CHCHD3: variants seen among roughly 807,000 people sequenced by gnomAD.
The protein encoded by CHCHD3 is MICOS complex subunit MIC19.
In CHCHD3, 20 loss-of-function variants were observed where a neutral mutation model predicts 38.2. The ratio of observed to expected loss-of-function variants is 0.52; its 90% CI spans 0.37 to 0.76. CHCHD3 has a LOEUF of 0.76. CHCHD3 is among the 30% of genes least tolerant of loss of function. The pLI, the probability that CHCHD3 is intolerant of heterozygous loss-of-function variation, is 0.00. For missense variants in CHCHD3, 245 were observed against 279.2 expected (o/e 0.88, Z 0.87); for synonymous variants, 82 against 100.0 (o/e 0.82, Z 1.07).
chr7:132,805,889 T>C (rs1205334418), intron 6 of CHCHD3, among the ~76,000 whole-genome samples: 1 of 152,094 alleles, frequency 6.6e-6, no homozygotes, highest in Non-Finnish European at 1.5e-5. Flanking sequence ...ATTTAAAGAA[T>C]AAACATGCTC....
chr7:132,951,481 C>T (rs1268272448), intron 4 of CHCHD3, among the ~76,000 whole-genome samples: 2 of 152,144 alleles, frequency 1.3e-5, no homozygotes, highest in Non-Finnish European at 2.9e-5. Flanking sequence ...AACACATATA[C>T]GAAGCCATAT....
At position 132,975,248 on chromosome 7, in the gene CHCHD3, G is replaced by A; in HGVS notation, c.290C>T (p.Ala97Val). ...GGCTCTGGTTAACTGCTCATTGGCA[G>A]CAGCCCTCTCTCGGTCCAGCTCTTT... ...QAKELDRERAAANEQLTRAIL... is the reference protein window; with the variant it reads ...QAKELDRERAVANEQLTRAIL... The change falls in exon 4 of 8, where the codon GCT becomes GTT. Residue 97 changes from alanine to valine, a missense_variant. Physicochemically the swap from Ala to Val is moderately conservative, Grantham distance 64 (BLOSUM62 0). Transcript: ENST00000262570. The A allele has an allele frequency of 3.7e-6, 6 of 1,613,002 alleles. No individual in the cohort carries two copies. Among genetic ancestry groups the A allele is most frequent in the Non-Finnish European group, 5.1e-6 (6 of 1,179,960 alleles).
intron 1 of CHCHD3, among the ~76,000 whole-genome samples, chr7:133,074,033 C>T (rs1814904788): frequency 6.6e-6 from 1 of 152,210 alleles, no homozygotes; most frequent in Non-Finnish European, 1.5e-5. Context: ...CCATTCCAAC[C>T]CTGCCTACCT....
rs189838872 is a variant in CHCHD3 at position 132,921,500 on chromosome 7, A to G, written c.370-35755T>C. ...CTCTGCATATTAGGCTCATCCTAAAAGTAAACAGTAAATAAACCCAATATT... is the reference window on the plus strand; with the variant it reads ...CTCTGCATATTAGGCTCATCCTAAAGGTAAACAGTAAATAAACCCAATATT... On this transcript the variant is annotated intron_variant, in intron 4 of 7. Transcript: ENST00000262570. Among the ~76,000 whole-genome samples the G allele has an allele frequency of 4.7e-3, 715 of 152,316 alleles. 5 individuals are homozygous for G. Among genetic ancestry groups the G allele is most frequent in the South Asian group, 8.7e-3 (42 of 4,826 alleles).
At position 132,881,090 on chromosome 7, in the gene CHCHD3, T is replaced by C. The variant is rs148343126; in HGVS notation, c.453+4572A>G. Among the ~76,000 whole-genome samples, 47 of 152,294 alleles carry C rather than the reference T, an allele frequency of 3.1e-4. No individual in the cohort carries two copies. The East Asian group carries it at 8.1e-3, about 26-fold the overall frequency. On this transcript the variant is annotated intron_variant, in intron 5 of 7. Coordinates refer to ENST00000262570, the MANE Select transcript of CHCHD3 (RefSeq NM_017812.4). The stretch of plus-strand genomic sequence containing the variant: ...GAGTATGAAATAAGGACTTAAAAAA[T>C]CTTTTCAAATGGCTTTGACCTTCTC...
chr7:132,918,744 G>A (rs1810182123), intron 4 of CHCHD3, among the ~76,000 whole-genome samples: 1 of 152,160 alleles, frequency 6.6e-6, no homozygotes. Context: ...TTTTTAAGTA[G>A]ATCACCTTTA....
chr7:132,887,499 T>A (rs1809246904), intron 4 of CHCHD3, among the ~76,000 whole-genome samples: 1 of 149,938 alleles, frequency 6.7e-6, no homozygotes, highest in Non-Finnish European at 1.5e-5. Flanking sequence ...CATTATAAAA[T>A]CCAAAGAAGA....
intron 6 of CHCHD3, among the ~76,000 whole-genome samples, chr7:132,802,415 A>G (rs551798976): frequency 1.3e-5 from 2 of 152,206 alleles, no homozygotes; most frequent in African/African-American, 4.8e-5. Context: ...CCAAACCCTG[A>G]GCTGGATCCC....
At position 132,994,664 on chromosome 7, in the gene CHCHD3, T is replaced by C. The variant is rs150522038; in HGVS notation, c.252-19378A>G. On this transcript the variant is annotated intron_variant, in intron 3 of 7. Transcript: ENST00000262570. ...CTCTTAAGAATCAAATTTTATATCATTGAACACAATCACAACAATTGTTAT... is the reference window on the plus strand; with the variant it reads ...CTCTTAAGAATCAAATTTTATATCACTGAACACAATCACAACAATTGTTAT... 9.4e-4 allele frequency among the ~76,000 whole-genome samples: 143 copies of C among 151,930 alleles called. No individual in the cohort carries two copies. The Middle Eastern group carries it at 0.027, about 29-fold the overall frequency.
intron 6 of CHCHD3, among the ~76,000 whole-genome samples, chr7:132,797,063 C>G (rs1806638544): frequency 6.6e-6 from 1 of 152,186 alleles, no homozygotes; most frequent in African/African-American, 2.4e-5. Context: ...CTGCACACAC[C>G]TTCCAGAGGG....
intron 6 of CHCHD3, among the ~76,000 whole-genome samples, chr7:132,837,713 G>T (rs1291467127): frequency 1.3e-5 from 2 of 152,100 alleles, no homozygotes; most frequent in African/African-American, 4.8e-5. Flanking sequence ...TCACTAATTT[G>T]CGCATGTGCT....
intron 4 of CHCHD3, among the ~76,000 whole-genome samples, chr7:132,946,260 AGAGAAC>A (rs1330103417): frequency 6.6e-6 from 1 of 151,932 alleles, no homozygotes; most frequent in Admixed American, 6.6e-5. Flanking sequence ...AGAAAGAGAA[AGAGAAC>A]AGTGAAAAAT....
chr7:133,030,497 T>C (rs1471298854), intron 2 of CHCHD3, among the ~76,000 whole-genome samples: 1 of 152,158 alleles, frequency 6.6e-6, no homozygotes, highest in Non-Finnish European at 1.5e-5. Context: ...AAGCAAATCT[T>C]TGGGAACTGG....
chr7:133,039,024 G>A (rs1813756477), intron 2 of CHCHD3, among the ~76,000 whole-genome samples: 1 of 152,196 alleles, frequency 6.6e-6, no homozygotes, highest in Admixed American at 6.5e-5. Flanking sequence ...CGCATATAAA[G>A]TTTAGCTTTG....
chr7:132,999,280 A>G (rs1812503357), intron 3 of CHCHD3, among the ~76,000 whole-genome samples: 1 of 152,212 alleles, frequency 6.6e-6, no homozygotes, highest in Non-Finnish European at 1.5e-5. Flanking sequence ...GCATTGTAAC[A>G]TCTCCAAACC....
intron 3 of CHCHD3, among the ~76,000 whole-genome samples, chr7:132,979,128 T>C (rs1212642069): frequency 1.3e-5 from 2 of 152,152 alleles, no homozygotes; most frequent in Non-Finnish European, 2.9e-5. Flanking sequence ...TTATGGTCCT[T>C]TGCATATAAA....
At chr7:132,995,122 T>G (rs1385676331) in intron 3 of CHCHD3, among the ~76,000 whole-genome samples, 1 of 152,202 alleles carries the variant, frequency 6.6e-6, no homozygotes, top group Non-Finnish European at 1.5e-5. Flanking sequence ...GGTAGAAACA[T>G]GTATAGAAAG....
intron 5 of CHCHD3, among the ~76,000 whole-genome samples, chr7:132,864,119 T>C (rs1309153281): frequency 6.6e-6 from 1 of 152,250 alleles, no homozygotes; most frequent in African/African-American, 2.4e-5. Flanking sequence ...GCTTTTAGCT[T>C]ACCTAGGCTT....
chr7:133,070,169 G>A lies in CHCHD3; in HGVS notation c.142C>T (p.Arg48Trp), dbSNP rs1253391558. The A allele has an allele frequency of 8.1e-6, 13 of 1,612,450 alleles. No homozygotes were observed. Among genetic ancestry groups the A allele is most frequent in the South Asian group, 3.3e-5 (3 of 90,880 alleles). The change falls in exon 2 of 8, where the codon CGG becomes TGG. Residue 48 changes from arginine (R) to tryptophan (W), a missense_variant. Coordinates refer to ENST00000262570, the MANE Select transcript of CHCHD3 (RefSeq NM_017812.4). ...ESSPSGSKSQ[R>W]YSGAYGASVS... is the part of the protein sequence containing the mutation. ...GAGGCACCATAAGCACCAGAATACC[G>A]CTGAGACTTCGAACCAGATGGAGAG... is the stretch of plus-strand genomic sequence containing the variant.
Sources: gnomAD v4.1 joint callset for allele counts (sites outside exome capture counted in the v4.1 genomes callset) on GRCh38, gnomAD v4.1.1 for gene constraint, MANE v1.5 for transcripts, NCBI Gene and HGNC (gene_info 2026-07-23, HGNC 2026-07-21) for gene names.